The following NCOA3 variants were observed in gnomAD, a reference collection of about 807,000 sequenced individuals.
NCOA3 encodes CBP-interacting protein.
NCOA3 carries 51 observed loss-of-function variants against 158.8 expected under a neutral mutation model. The observed-to-expected ratio is 0.32, with a 90% confidence interval of 0.26 to 0.41. The LOEUF is 0.41. Among genes scored for constraint, NCOA3 ranks in the 10% least tolerant of loss-of-function variants. NCOA3 has a pLI of 1.00. For synonymous variants in NCOA3, 537 were observed against 592.4 expected, an observed-to-expected ratio of 0.91 and a Z score of 1.36; for missense variants, 1,510 against 1,746.6, an observed-to-expected ratio of 0.86 and a Z score of 2.41.
At position 47,529,691 on chromosome 20, in the gene NCOA3, G is replaced by A. The variant is rs189084211; in HGVS notation, c.-99+27672G>A. 2.0e-4 allele frequency among the ~76,000 whole-genome samples: 30 copies of A among 152,316 alleles called. No homozygotes were observed. The East Asian group carries it at 3.7e-3, about 19-fold the overall frequency. The stretch of plus-strand genomic sequence containing the variant: ...CTCTCAAAGTGTTGTGATTACAGGC[G>A]TGAGCCACTGCTCCTGGCCTTACCT... On this transcript the variant is annotated intron_variant, in intron 1 of 22. Transcript: ENST00000371998.
chr20:47,594,664 C>CAGAAAAAA (rs2085716356), intron 2 of NCOA3, among the ~76,000 whole-genome samples: 1 of 72,942 alleles, frequency 1.4e-5, no homozygotes, highest in Non-Finnish European at 2.5e-5. Flanking sequence ...GACTCTGTCT[C>CAGAAAAAA]AAAAAAAAAA....
intron 1 of NCOA3, among the ~76,000 whole-genome samples, chr20:47,536,510 A>G (rs1259908037): frequency 6.6e-6 from 1 of 152,246 alleles, no homozygotes; most frequent in Non-Finnish European, 1.5e-5. Flanking sequence ...AATATATCCT[A>G]TACACATTTT....
At chr20:47,617,143 A>G (rs948221471) in intron 2 of NCOA3, among the ~76,000 whole-genome samples, 1 of 152,056 alleles carries the variant, frequency 6.6e-6, no homozygotes, top group Non-Finnish European at 1.5e-5. Flanking sequence ...TTTAGTAGAG[A>G]TAGGGTTTCA....
chr20:47,513,093 C>T (rs927565606), intron 1 of NCOA3, among the ~76,000 whole-genome samples: 6 of 151,684 alleles, frequency 4.0e-5, no homozygotes, highest in African/African-American at 1.5e-4. Context: ...GAGAAGAGCC[C>T]AGAAGGCAGA....
intron 14 of NCOA3, 117 bp from the exon 15 acceptor site, chr20:47,639,460 C>A: frequency 7.3e-7 from 1 of 1,376,362 alleles, no homozygotes; most frequent in Non-Finnish European, 1.0e-6. Flanking sequence ...CCTTTTCTTA[C>A]CATGACAAAG....
intron 1 of NCOA3, among the ~76,000 whole-genome samples, chr20:47,505,303 A>C (rs1394286582): frequency 4.6e-5 from 7 of 151,702 alleles, no homozygotes; most frequent in Non-Finnish European, 1.0e-4. Context: ...CAGGTAATCC[A>C]CCTGCCTTGG....
chr20:47,551,355 C>T (rs376295588), intron 1 of NCOA3, among the ~76,000 whole-genome samples: 18 of 152,048 alleles, frequency 1.2e-4, no homozygotes, highest in East Asian at 3.8e-4. Flanking sequence ...TGTCAGGCTC[C>T]GTGCTGGCTG....
chr20:47,588,265 G>T (rs2085569509), intron 2 of NCOA3, among the ~76,000 whole-genome samples: 1 of 149,918 alleles, frequency 6.7e-6, no homozygotes. Context: ...CTCCTGAGTA[G>T]CTGCAACTAC....
At position 47,561,172 on chromosome 20, in the gene NCOA3, G is replaced by A. The variant is rs553459283; in HGVS notation, c.-98-22011G>A. Among the ~76,000 whole-genome samples the A allele has an allele frequency of 6.0e-5, 9 of 150,862 alleles. 2 individuals carry two copies. The highest frequency in any genetic ancestry group is 1.9e-4 in the African/African-American group (8 of 41,064). ...GTATTTTTTGTAGAGACAGGGTTTC[G>A]CCATGTTGCCCAAGCTGGTCTCGAA... On this transcript the variant is annotated intron_variant, in intron 1 of 22. Coordinates refer to ENST00000371998, the MANE Select transcript of NCOA3 (RefSeq NM_181659.3).
intron 21 of NCOA3, 136 bp from the exon 22 acceptor site, chr20:47,652,795 G>A: frequency 2.8e-6 from 3 of 1,087,016 alleles, no homozygotes; most frequent in Non-Finnish European, 4.1e-6. Context: ...ATGGATCACA[G>A]GCTGTCAGGG....
At chr20:47,584,580 A>G (rs1002984149) in intron 2 of NCOA3, among the ~76,000 whole-genome samples, 1 of 151,554 alleles carries the variant, frequency 6.6e-6, no homozygotes, top group African/African-American at 2.4e-5. Flanking sequence ...AGATCATGCT[A>G]CAGCACTCCA....
rs773047433 is a variant in NCOA3, at chr20:47,633,604, A to C, written c.932A>C (p.Gln311Pro). The change falls in exon 9 of 23, where the codon CAG becomes CCG. Residue 311 changes from glutamine to proline, a missense_variant. Transcript: ENST00000371998. ...AGATTTTTTAGTCTAAATGATGGGC[A>C]GTCATGGTCCCAGAAACGTCACTAT... ...IQRFFSLNDG[Q>P]SWSQKRHYQE... is the part of the protein sequence containing the mutation. 2 of 1,613,958 alleles carry C rather than the reference A, an allele frequency of 1.2e-6. No individual in the cohort carries two copies. Among genetic ancestry groups the C allele is most frequent in the Non-Finnish European group, 1.7e-6 (2 of 1,179,954 alleles).
chr20:47,522,429 T>C (rs1194510819), intron 1 of NCOA3, among the ~76,000 whole-genome samples: 34 of 139,022 alleles, frequency 2.4e-4, no homozygotes, highest in African/African-American at 8.7e-4. Context: ...TTTTTTGTGG[T>C]TTTAAGGAGA....
chr20:47,550,149 T>A (rs555768680), intron 1 of NCOA3, among the ~76,000 whole-genome samples: 2,542 of 151,304 alleles, frequency 0.017, 72 homozygotes, highest in African/African-American at 0.059. Flanking sequence ...TTTTTTTTTT[T>A]AAAAGGGTTT....
rs562784873 is a variant in NCOA3 at position 47,625,717 on chromosome 20, A to G, written c.357+236A>G. 9.2e-5 allele frequency among the ~76,000 whole-genome samples: 14 copies of G among 152,290 alleles called. No homozygotes were observed. In the South Asian group the frequency reaches 2.1e-3, roughly 23 times the overall value. On this transcript the variant is annotated intron_variant, in intron 5 of 22. Transcript: ENST00000371998. ...ATATAGTTGCAAACTGAGGAACCAC[A>G]CATATACAAACATAAAAATATAAGC...
At chr20:47,615,599 ATTAG>A (rs930468110) in intron 2 of NCOA3, among the ~76,000 whole-genome samples, 16 of 152,314 alleles carry the variant, frequency 1.1e-4, no homozygotes, top group East Asian at 5.8e-4. Flanking sequence ...TTCAGCTTTA[ATTAG>A]TTAGTTATTC....
intron 1 of NCOA3, among the ~76,000 whole-genome samples, chr20:47,579,483 A>G (rs6012214): frequency 0.13 from 19,560 of 152,246 alleles, 1,735 homozygotes; most frequent in African/African-American, 0.24. Flanking sequence ...GAAAAAAAAT[A>G]CTGTCCTAAG....
At chr20:47,549,850 G>A (rs1473419359) in intron 1 of NCOA3, among the ~76,000 whole-genome samples, 3 of 151,898 alleles carry the variant, frequency 2.0e-5, no homozygotes, top group Non-Finnish European at 2.9e-5. Context: ...ACAGGCGCAC[G>A]CCACCACCAT....
intron 2 of NCOA3, among the ~76,000 whole-genome samples, chr20:47,610,280 G>A (rs1039336060): frequency 6.6e-6 from 1 of 152,052 alleles, no homozygotes; most frequent in African/African-American, 2.4e-5. Context: ...GCCAGAGTGC[G>A]GTGATCATGG....
Sources: allele counts gnomAD v4.1 joint callset (sites outside exome capture counted in the v4.1 genomes callset), GRCh38; gene constraint gnomAD v4.1.1; transcripts MANE v1.5; gene names NCBI Gene and HGNC (gene_info 2026-07-23, HGNC 2026-07-21).